INTS9: variants seen among roughly 807,000 people sequenced by gnomAD.
The protein encoded by INTS9 is integrator complex subunit 9, also known as protein related to CPSF subunits of 74 kDa.
INTS9 carries 55 observed loss-of-function variants against 79.7 expected under a neutral mutation model. That is an observed-to-expected ratio of 0.69 (90% CI 0.56 to 0.86). The LOEUF (loss-of-function observed/expected upper bound fraction) is 0.86. Ranked by LOEUF, INTS9 falls within the 40% of genes least tolerant of loss-of-function variation. The pLI is 0.00. For synonymous variants in INTS9, 319 were observed against 325.2 expected (o/e 0.98, Z 0.20); for missense variants, 721 against 831.5 (o/e 0.87, Z 1.64).
chr8:28,804,089 T>C (rs1226500744), intron 8 of INTS9, among the ~76,000 whole-genome samples: 1 of 151,856 alleles, frequency 6.6e-6, no homozygotes, highest in Non-Finnish European at 1.5e-5. Context: ...ACGCCCAGCT[T>C]CTTTCTTGAT....
intron 8 of INTS9, among the ~76,000 whole-genome samples, chr8:28,802,621 G>T (rs563878052): frequency 6.6e-6 from 1 of 152,204 alleles, no homozygotes; most frequent in African/African-American, 2.4e-5. Flanking sequence ...AGCTAAAGGC[G>T]TAGGATGGAT....
At chr8:28,867,013 G>A (rs1009480039) in intron 1 of INTS9, among the ~76,000 whole-genome samples, 4 of 152,154 alleles carry the variant, frequency 2.6e-5, no homozygotes, top group African/African-American at 4.8e-5. Flanking sequence ...CCAGCCAGGC[G>A]TGGTGGCTCA....
chr8:28,884,162 G>C (rs1810047253), intron 1 of INTS9, among the ~76,000 whole-genome samples: 1 of 125,028 alleles, frequency 8.0e-6, no homozygotes, highest in African/African-American at 2.9e-5. Flanking sequence ...TCTGTCATCA[G>C]TGTATCTTTT....
chr8:28,835,783 G>GT (rs999311167), intron 5 of INTS9, among the ~76,000 whole-genome samples: 7 of 149,026 alleles, frequency 4.7e-5, no homozygotes, highest in South Asian at 4.3e-4. Context: ...GGGCAGGACT[G>GT]TTTTTTTTTA....
At chr8:28,882,765 G>C (rs1809966069) in intron 1 of INTS9, among the ~76,000 whole-genome samples, 1 of 152,148 alleles carries the variant, frequency 6.6e-6, no homozygotes, top group Non-Finnish European at 1.5e-5. Context: ...TCATTTGTCT[G>C]ATTACCTGTC....
chr8:28,806,999 A>C (rs1304009362), intron 8 of INTS9, among the ~76,000 whole-genome samples: 1 of 152,222 alleles, frequency 6.6e-6, no homozygotes, highest in African/African-American at 2.4e-5. Flanking sequence ...AGAACAAAGG[A>C]TGAAAATACA....
chr8:28,827,669 T>G (rs1806231086), intron 6 of INTS9, among the ~76,000 whole-genome samples: 1 of 152,152 alleles, frequency 6.6e-6, no homozygotes, highest in Non-Finnish European at 1.5e-5. Context: ...GAAACTAGGT[T>G]ACAACCCCTG....
chr8:28,876,844 ACAAT>A (rs1809422010), intron 1 of INTS9, among the ~76,000 whole-genome samples: 1 of 152,170 alleles, frequency 6.6e-6, no homozygotes, highest in Admixed American at 6.5e-5. Context: ...GATTTCAGTA[ACAAT>A]CAAAAAGATA....
chr8:28,839,926 C>A (rs1192826745), intron 4 of INTS9, among the ~76,000 whole-genome samples: 12 of 138,654 alleles, frequency 8.7e-5, no homozygotes, highest in South Asian at 2.5e-4. Flanking sequence ...GCAACAAAAG[C>A]CAAAATTGAC....
At position 28,780,800 on chromosome 8, in the gene INTS9, GTTTC is replaced by G. The variant is rs532880369; in HGVS notation, c.1270+19_1270+22del. 7.9e-5 allele frequency: 128 copies of G among 1,611,796 alleles called. 2 individuals carry two copies. The highest frequency in any genetic ancestry group is 3.5e-4 in the South Asian group (32 of 90,968). On this transcript the variant is annotated intron_variant, in intron 12 of 16. Coordinates refer to ENST00000521022, the MANE Select transcript of INTS9 (RefSeq NM_018250.4). Reference sequence around the variant, plus strand: ...TGGCCTCAGTGGAGAGAACCAATTTGTTTCTTTATTTTTTTCACTTACCCGTGAA... The same window carrying G: ...TGGCCTCAGTGGAGAGAACCAATTTGTTTATTTTTTTCACTTACCCGTGAA...
intron 1 of INTS9, among the ~76,000 whole-genome samples, chr8:28,876,930 A>G (rs1353631358): frequency 6.6e-6 from 1 of 152,186 alleles, no homozygotes; most frequent in Non-Finnish European, 1.5e-5. Flanking sequence ...AATGCTACAA[A>G]GAAACATTTA....
intron 7 of INTS9, 111 bp downstream of exon 7, chr8:28,813,381 C>T (rs1805275055): frequency 1.9e-6 from 2 of 1,078,662 alleles, no homozygotes; most frequent in Admixed American, 2.0e-5. Flanking sequence ...GCTCTGGATC[C>T]TCAGCAATGG....
At chr8:28,781,028 A>G (rs775384998) in intron 11 of INTS9, 34 bp from the exon 12 acceptor site, 2 of 1,576,252 alleles carry the variant, frequency 1.3e-6, no homozygotes, top group Non-Finnish European at 1.7e-6. Flanking sequence ...AAGAAATGTG[A>G]GCCTGCCCAG....
rs1302022217 is a variant in INTS9, at chr8:28,818,581, A to G, written c.489-4969T>C. ...GTATTTTATTGAGGATTTTTGCATCAATGTTCATCAAGGATATTGGTCTAA... is the reference window on the plus strand; with the variant it reads ...GTATTTTATTGAGGATTTTTGCATCGATGTTCATCAAGGATATTGGTCTAA... On this transcript the variant is annotated intron_variant, in intron 6 of 16. Transcript: ENST00000521022. Among the ~76,000 whole-genome samples, 477 of 151,486 alleles carry G rather than the reference A, an allele frequency of 3.1e-3. 3 individuals are homozygous for G. The highest frequency in any genetic ancestry group is 0.01 in the African/African-American group (434 of 41,370).
chr8:28,877,854 G>C (rs73554862), intron 1 of INTS9, among the ~76,000 whole-genome samples: 1 of 152,044 alleles, frequency 6.6e-6, no homozygotes, highest in Non-Finnish European at 1.5e-5. Flanking sequence ...TGTTGGTGGT[G>C]GAACAATATC....
chr8:28,888,157 G>A (rs1035876804), intron 1 of INTS9, among the ~76,000 whole-genome samples: 3 of 152,128 alleles, frequency 2.0e-5, no homozygotes, highest in East Asian at 1.9e-4. Context: ...ATCAGTTCAA[G>A]AGTCACGTTT....
At chr8:28,793,429 T>G (rs1304017056) in intron 10 of INTS9, among the ~76,000 whole-genome samples, 3 of 152,230 alleles carry the variant, frequency 2.0e-5, no homozygotes, top group African/African-American at 7.2e-5. Flanking sequence ...TAGTTTTTCT[T>G]CTCAGATTTG....
At chr8:28,822,132 A>T (rs1287964887) in intron 6 of INTS9, among the ~76,000 whole-genome samples, 7 of 152,196 alleles carry the variant, frequency 4.6e-5, no homozygotes, top group Admixed American at 1.3e-4. Context: ...TTACAGCAGG[A>T]ATGAAACACT....
intron 1 of INTS9, among the ~76,000 whole-genome samples, chr8:28,864,867 T>C (rs752295401): frequency 3.3e-5 from 5 of 151,548 alleles, no homozygotes; most frequent in Non-Finnish European, 5.9e-5. Context: ...ACACCTGTAA[T>C]CCCAGCTACC....
Sources: gnomAD v4.1 joint callset for allele counts (sites outside exome capture counted in the v4.1 genomes callset) on GRCh38, gnomAD v4.1.1 for gene constraint, MANE v1.5 for transcripts, NCBI Gene and HGNC (gene_info 2026-07-23, HGNC 2026-07-21) for gene names.